Variants in PTPRD observed in about 807,000 individuals in gnomAD.
PTPRD encodes the protein receptor-type tyrosine-protein phosphatase delta.
PTPRD carries 34 observed loss-of-function variants against 214.5 expected under a neutral mutation model. The ratio of observed to expected loss-of-function variants is 0.16; its 90% confidence interval spans 0.12 to 0.21. PTPRD has a LOEUF of 0.21. Among genes scored for constraint, PTPRD ranks in the 10% least tolerant of loss-of-function variants. The pLI is 1.00. For missense variants in PTPRD, 2,545 were observed against 2,398.7 expected, an observed-to-expected ratio of 1.06 and a Z score of -1.27; for synonymous variants, 1,128 against 845.7, an observed-to-expected ratio of 1.33 and a Z score of -5.79.
chr9:8,492,746 C>A, intron 27 of PTPRD, 116 bp downstream of exon 27: 1 of 623,304 alleles, frequency 1.6e-6, no homozygotes, highest in Non-Finnish European at 2.5e-6. Context: ...AAAAGTTGAC[C>A]ATAGTCCATT....
In PTPRD at chr9:10,567,900, T is replaced by C. The variant is rs559150718; in HGVS notation, c.-600+44498A>G. On this transcript the variant is annotated intron_variant, in intron 2 of 45. Coordinates refer to ENST00000381196, the MANE Select transcript of PTPRD (RefSeq NM_002839.4). The stretch of plus-strand genomic sequence containing the variant: ...ATATGATTTTTGCATTTTTTTGTCT[T>C]AATAATATATCATTGTTTTATTTTT... Among the ~76,000 whole-genome samples the C allele has an allele frequency of 4.9e-4, 75 of 151,660 alleles. 1 individual carries two copies. In the Middle Eastern group the frequency reaches 0.041, roughly 83 times the overall value.
chr9:8,633,292 C>A (rs375265868), intron 14 of PTPRD, 25 bp downstream of exon 14: 14 of 1,604,218 alleles, frequency 8.7e-6, no homozygotes, highest in Non-Finnish European at 1.1e-5. Flanking sequence ...ATGACACAAA[C>A]GACAACCTTC....
intron 35 of PTPRD, among the ~76,000 whole-genome samples, chr9:8,431,660 A>G (rs1279552469): frequency 1.3e-5 from 2 of 152,206 alleles, no homozygotes; most frequent in Non-Finnish European, 2.9e-5. Flanking sequence ...TAAACCAATG[A>G]CATTCCTCAA....
chr9:8,325,977 G>A (rs998290126), intron 44 of PTPRD, among the ~76,000 whole-genome samples: 1 of 152,104 alleles, frequency 6.6e-6, no homozygotes, highest in Admixed American at 6.5e-5. Context: ...GGGATGAGAT[G>A]ATGGGGTTTT....
At chr9:9,806,488 C>T (rs149565841) in intron 5 of PTPRD, among the ~76,000 whole-genome samples, 2 of 152,090 alleles carry the variant, frequency 1.3e-5, no homozygotes, top group African/African-American at 4.8e-5. Flanking sequence ...TGTGAATGTA[C>T]TTTGTAACAT....
At chr9:9,901,391 T>C (rs943932363) in intron 5 of PTPRD, among the ~76,000 whole-genome samples, 2 of 151,976 alleles carry the variant, frequency 1.3e-5, no homozygotes, top group Non-Finnish European at 1.5e-5. Context: ...GTCATAACTA[T>C]GGATGAGATC....
intron 11 of PTPRD, among the ~76,000 whole-genome samples, chr9:8,890,558 A>G (rs1314875324): frequency 1.3e-5 from 2 of 152,244 alleles, no homozygotes; most frequent in South Asian, 2.1e-4. Flanking sequence ...GTTAAACAAA[A>G]GGTAGCCTGG....
At chr9:10,126,588 C>T (rs1034429148) in intron 3 of PTPRD, among the ~76,000 whole-genome samples, 1 of 152,120 alleles carries the variant, frequency 6.6e-6, no homozygotes, top group Non-Finnish European at 1.5e-5. Context: ...CTATACTCTT[C>T]TATTTTCCCC....
At chr9:10,551,485 T>G (rs1014337328) in intron 2 of PTPRD, among the ~76,000 whole-genome samples, 1 of 152,102 alleles carries the variant, frequency 6.6e-6, no homozygotes, top group African/African-American at 2.4e-5. Flanking sequence ...TAGAGACTTT[T>G]AAGAGGTGAT....
chr9:8,735,910 CAAAAA>C (rs34573821), intron 11 of PTPRD, among the ~76,000 whole-genome samples: 24 of 130,988 alleles, frequency 1.8e-4, no homozygotes, highest in South Asian at 1.5e-3. Context: ...GACTTCGTCT[CAAAAA>C]AAAAAAAAAA....
At position 9,810,389 on chromosome 9, in the gene PTPRD, G is replaced by C. The variant is rs143213669; in HGVS notation, c.-367-43538C>G. 3.7e-3 allele frequency among the ~76,000 whole-genome samples: 569 copies of C among 152,116 alleles called. 3 individuals are homozygous for C. The highest frequency in any genetic ancestry group is 0.013 in the African/African-American group (541 of 41,502). ...AATACCTGGCTTCAAAGCTTCAAAGGACTGGTTTACTCTCTTGTTAAGGGC... is the reference window on the plus strand; with the variant it reads ...AATACCTGGCTTCAAAGCTTCAAAGCACTGGTTTACTCTCTTGTTAAGGGC... On this transcript the variant is annotated intron_variant, in intron 5 of 45. Coordinates refer to ENST00000381196, the MANE Select transcript of PTPRD (RefSeq NM_002839.4).
At chr9:9,287,070 C>A (rs1430686206) in intron 9 of PTPRD, among the ~76,000 whole-genome samples, 1 of 149,658 alleles carries the variant, frequency 6.7e-6, no homozygotes, top group Non-Finnish European at 1.5e-5. Context: ...GCTAAAAATA[C>A]AAAAATCAGC....
chr9:9,918,543 G>C (rs1372328214), intron 5 of PTPRD, among the ~76,000 whole-genome samples: 2 of 151,552 alleles, frequency 1.3e-5, no homozygotes, highest in Admixed American at 6.6e-5. Flanking sequence ...CAAATAAATA[G>C]AAAAAAAATC....
At chr9:10,035,450 G>A (rs760507579) in intron 3 of PTPRD, among the ~76,000 whole-genome samples, 1 of 152,076 alleles carries the variant, frequency 6.6e-6, no homozygotes, top group African/African-American at 2.4e-5. Flanking sequence ...GATCTCATCT[G>A]TTGATTTTTA....
At chr9:10,218,287 G>A (rs890156636) in intron 3 of PTPRD, among the ~76,000 whole-genome samples, 4 of 151,762 alleles carry the variant, frequency 2.6e-5, no homozygotes, top group Non-Finnish European at 5.9e-5. Context: ...AGTAAACTAA[G>A]TTTTCTCTGT....
intron 11 of PTPRD, among the ~76,000 whole-genome samples, chr9:8,776,037 G>C (rs966088651): frequency 1.3e-5 from 2 of 152,124 alleles, no homozygotes; most frequent in Non-Finnish European, 2.9e-5. Flanking sequence ...ATGAAGATTT[G>C]GTTTGGTAGT....
chr9:8,567,753 T>G (rs2089830756), intron 14 of PTPRD, among the ~76,000 whole-genome samples: 1 of 152,204 alleles, frequency 6.6e-6, no homozygotes, highest in Non-Finnish European at 1.5e-5. Context: ...AGGCTGGAAG[T>G]AATTATAGAT....
chr9:9,023,881 T>G (rs1039051430), intron 10 of PTPRD, among the ~76,000 whole-genome samples: 1 of 152,088 alleles, frequency 6.6e-6, no homozygotes, highest in African/African-American at 2.4e-5. Flanking sequence ...TTTCTTTTCT[T>G]CTTTTCTCTA....
At chr9:8,708,610 C>T (rs773808932) in intron 12 of PTPRD, among the ~76,000 whole-genome samples, 3 of 133,510 alleles carry the variant, frequency 2.2e-5, no homozygotes, top group Non-Finnish European at 3.1e-5. Context: ...ACTTGGGAGT[C>T]GGAAGTTGCA....
Sources: gnomAD v4.1 joint callset for allele counts (sites outside exome capture counted in the v4.1 genomes callset) on GRCh38, gnomAD v4.1.1 for gene constraint, MANE v1.5 for transcripts, NCBI Gene and HGNC (gene_info 2026-07-23, HGNC 2026-07-21) for gene names.